RAPGEF2: variants seen among roughly 807,000 people sequenced by gnomAD.
RAPGEF2 encodes Rap guanine nucleotide exchange factor 2, also known as PDZ domain containing guanine nucleotide exchange factor (GEF) 1.
Under a neutral mutation model 186.7 loss-of-function variants are expected in RAPGEF2, and 54 were observed. The observed-to-expected ratio is 0.29, with a 90% CI of 0.23 to 0.36. The LOEUF (loss-of-function observed/expected upper bound fraction) is 0.36. Ranked by LOEUF, RAPGEF2 falls within the 10% of genes least tolerant of loss-of-function variation. RAPGEF2 has a pLI of 1.00. For missense variants in RAPGEF2, 1,532 were observed against 2,045.0 expected (o/e 0.75, Z 4.84); for synonymous variants, 712 against 705.9 (o/e 1.01, Z -0.14).
At chr4:159,354,901 A>C (rs1561345585) in intron 28 of RAPGEF2, among the ~76,000 whole-genome samples, 1 of 152,214 alleles carries the variant, frequency 6.6e-6, no homozygotes, top group South Asian at 2.1e-4. Context: ...GAAGTGTAGG[A>C]ACAGATGATA....
intron 1 of RAPGEF2, among the ~76,000 whole-genome samples, chr4:159,150,753 T>C (rs1481490827): frequency 6.6e-6 from 1 of 152,226 alleles, no homozygotes; most frequent in Non-Finnish European, 1.5e-5. Context: ...AAATAAATTT[T>C]AGCAAGTAGG....
chr4:159,207,927 G>A (rs1750144477), intron 3 of RAPGEF2, among the ~76,000 whole-genome samples: 2 of 152,180 alleles, frequency 1.3e-5, no homozygotes, highest in African/African-American at 4.8e-5. Context: ...CAAACCAAAC[G>A]AATGATTGCT....
chr4:159,258,898 T>A (rs1756490100), intron 7 of RAPGEF2, among the ~76,000 whole-genome samples: 1 of 152,212 alleles, frequency 6.6e-6, no homozygotes, highest in Non-Finnish European at 1.5e-5. Context: ...CCCAGACAAC[T>A]GTACATTAAT....
At chr4:159,242,442 A>T (rs547301685) in intron 6 of RAPGEF2, among the ~76,000 whole-genome samples, 1 of 151,888 alleles carries the variant, frequency 6.6e-6, no homozygotes, top group Non-Finnish European at 1.5e-5. Flanking sequence ...ATTTTTAGTA[A>T]GTTTAAGTGA....
At position 159,198,260 on chromosome 4, in the gene RAPGEF2, C is replaced by T. The variant is rs1396636276; in HGVS notation, c.197+5004C>T. On this transcript the variant is annotated intron_variant, in intron 3 of 29. Coordinates refer to ENST00000691494, the MANE Select transcript of RAPGEF2 (RefSeq NM_001394067.2). ...TCTTTCTTTCTTCCTTTCTTTCTTT[C>T]TCTTTCTTTCCTTCTTTCTTTCTTT... Among the ~76,000 whole-genome samples, 37 of 64,198 alleles carry T rather than the reference C, an allele frequency of 5.8e-4. 1 individual carries two copies. The highest frequency in any genetic ancestry group is 2.7e-3 in the African/African-American group (37 of 13,594). 42.1% of individuals were successfully genotyped at this position (64,198 alleles called of 152,430 possible). A position where few individuals can be genotyped will look rare whatever the true frequency, so the allele number is the denominator to read the frequency against.
At chr4:159,175,552 C>T (rs529514870) in intron 1 of RAPGEF2, among the ~76,000 whole-genome samples, 25 of 152,234 alleles carry the variant, frequency 1.6e-4, no homozygotes, top group African/African-American at 5.3e-4. Context: ...GACTTGTTCC[C>T]GACTTCCTGC....
chr4:159,103,180 G>A lies in RAPGEF2; in HGVS notation c.-983G>A, dbSNP rs1737367146. 1 of 151,878 alleles carries A rather than the reference G, an allele frequency of 6.6e-6. No homozygotes were observed. 9.4% of individuals were successfully genotyped at this position (151,878 alleles called of 1,614,324 possible). A position where few individuals can be genotyped will look rare whatever the true frequency, so the allele number is the denominator to read the frequency against. The stretch of plus-strand genomic sequence containing the variant: ...CAAACACTCTCTCCGAGGGGGCTGT[G>A]CGCGGCTCTCGGCTTTCGGCCCTCG... On this transcript the variant is annotated 5_prime_UTR_variant, in exon 1 of 30. Coordinates refer to ENST00000691494, the MANE Select transcript of RAPGEF2 (RefSeq NM_001394067.2).
intron 11 of RAPGEF2, chr4:159,329,071 C>T (rs760418514): frequency 3.3e-5 from 5 of 152,002 alleles, no homozygotes; most frequent in Non-Finnish European, 5.9e-5. Context: ...TTTCCATTTC[C>T]GAATGATCTC....
intron 1 of RAPGEF2, among the ~76,000 whole-genome samples, chr4:159,176,063 A>G (rs1746421556): frequency 6.6e-6 from 1 of 152,204 alleles, no homozygotes; most frequent in African/African-American, 2.4e-5. Flanking sequence ...GGTGGTAAGA[A>G]CTTTAGAGGC....
chr4:159,198,348 CTCTT>C (rs1447247708), intron 3 of RAPGEF2, among the ~76,000 whole-genome samples: 1 of 111,322 alleles, frequency 9.0e-6, no homozygotes, highest in East Asian at 2.7e-4. Context: ...TTCTTTCTCT[CTCTT>C]TCCTTCCTTC....
chr4:159,306,380 T>C (rs1048663319), intron 8 of RAPGEF2, among the ~76,000 whole-genome samples: 9 of 152,182 alleles, frequency 5.9e-5, no homozygotes, highest in African/African-American at 2.2e-4. Flanking sequence ...TATTTTGTTT[T>C]TTCTGTAGCT....
At chr4:159,309,820 CAT>C (rs1047481793) in intron 8 of RAPGEF2, among the ~76,000 whole-genome samples, 69 of 152,072 alleles carry the variant, frequency 4.5e-4, no homozygotes, top group Non-Finnish European at 6.5e-4. Context: ...AAATTGAACT[CAT>C]GTGTAAGGAT....
intron 8 of RAPGEF2, among the ~76,000 whole-genome samples, chr4:159,313,041 G>A (rs1261271529): frequency 6.6e-6 from 1 of 152,062 alleles, no homozygotes; most frequent in African/African-American, 2.4e-5. Context: ...CCAGCTACTC[G>A]GGAGGCTGAG....
At chr4:159,268,047 C>CT in intron 7 of RAPGEF2, 1 of 1,462,376 alleles carries the variant, frequency 6.8e-7, no homozygotes. Flanking sequence ...TTCCCTCCTC[C>CT]CTTTTTTTTT....
chr4:159,216,474 T>C (rs1217381392), intron 4 of RAPGEF2, among the ~76,000 whole-genome samples: 1 of 152,014 alleles, frequency 6.6e-6, no homozygotes, highest in Non-Finnish European at 1.5e-5. Flanking sequence ...AATGTGGACA[T>C]GATAAAGAAC....
At chr4:159,301,757 G>A (rs911437689) in intron 7 of RAPGEF2, among the ~76,000 whole-genome samples, 1 of 152,200 alleles carries the variant, frequency 6.6e-6, no homozygotes, top group African/African-American at 2.4e-5. Flanking sequence ...TACTCAGGAG[G>A]CTGAGGTGGA....
At chr4:159,290,933 A>T (rs1003661078) in intron 7 of RAPGEF2, among the ~76,000 whole-genome samples, 1 of 152,226 alleles carries the variant, frequency 6.6e-6, no homozygotes, top group African/African-American at 2.4e-5. Context: ...GGGTTGACAC[A>T]TGAAGCCTTT....
intron 1 of RAPGEF2, among the ~76,000 whole-genome samples, chr4:159,150,845 G>T (rs1380637661): frequency 6.6e-6 from 1 of 152,200 alleles, no homozygotes; most frequent in Admixed American, 6.5e-5. Context: ...TGACCTAGAA[G>T]CTGAGGTTTC....
intron 1 of RAPGEF2, among the ~76,000 whole-genome samples, chr4:159,168,750 G>A (rs1321858124): frequency 9.2e-5 from 14 of 152,138 alleles, no homozygotes; most frequent in Admixed American, 9.2e-4. Flanking sequence ...CTCAGTAACA[G>A]TTTTCCAATG....
Sources: gnomAD v4.1 joint callset for allele counts (sites outside exome capture counted in the v4.1 genomes callset) on GRCh38, gnomAD v4.1.1 for gene constraint, MANE v1.5 for transcripts, NCBI Gene and HGNC (gene_info 2026-07-23, HGNC 2026-07-21) for gene names.